Variants in CAMTA1 observed in about 807,000 individuals in gnomAD.
CAMTA1 encodes the protein calmodulin binding transcription activator 1, also known as calmodulin-binding transcription activator 1.
CAMTA1 carries 27 observed loss-of-function variants against 170.9 expected under a neutral mutation model. That is an observed-to-expected ratio of 0.16 (90% confidence interval 0.12 to 0.22). CAMTA1 has a LOEUF of 0.22. CAMTA1 is among the 10% of genes least tolerant of loss of function. The probability of loss-of-function intolerance (pLI) is 1.00; values close to 1 mark genes in which losing one functional copy is unlikely to be tolerated. For missense variants in CAMTA1, 1,619 were observed against 2,217.2 expected (o/e 0.73, Z 5.42); for synonymous variants, 833 against 891.5 (o/e 0.93, Z 1.17).
At chr1:7,238,934 G>A (rs981604369) in intron 4 of CAMTA1, among the ~76,000 whole-genome samples, 2 of 152,190 alleles carry the variant, frequency 1.3e-5, no homozygotes, top group Non-Finnish European at 2.9e-5. Context: ...GAGCATTCAC[G>A]TGGGGTGCCG....
At chr1:7,008,666 A>G (rs909169089) in intron 3 of CAMTA1, 6 of 152,190 alleles carry the variant, frequency 3.9e-5, no homozygotes, top group African/African-American at 9.7e-5. Flanking sequence ...TTTAAATTTC[A>G]TAAGGCGTTG....
At chr1:7,112,180 C>G (rs961998145) in intron 4 of CAMTA1, among the ~76,000 whole-genome samples, 5 of 152,188 alleles carry the variant, frequency 3.3e-5, no homozygotes, top group African/African-American at 1.2e-4. Flanking sequence ...CTGCGTAGAG[C>G]TGCTGGCTGC....
At chr1:7,172,680 C>T (rs917105382) in intron 4 of CAMTA1, among the ~76,000 whole-genome samples, 8 of 152,196 alleles carry the variant, frequency 5.3e-5, no homozygotes, top group Non-Finnish European at 8.8e-5. Context: ...GCAGCTGAGC[C>T]TCTCAGCCAG....
intron 6 of CAMTA1, among the ~76,000 whole-genome samples, chr1:7,493,034 C>T: frequency 6.7e-6 from 1 of 149,636 alleles, no homozygotes. Context: ...TGCACGCACA[C>T]ACAAACACAA....
chr1:7,450,618 G>A (rs897788468), intron 5 of CAMTA1, among the ~76,000 whole-genome samples: 3 of 152,202 alleles, frequency 2.0e-5, no homozygotes, highest in Non-Finnish European at 4.4e-5. Flanking sequence ...ATACCGCCCC[G>A]TGCAGGTTAG....
chr1:6,978,019 C>A (rs749246229), intron 3 of CAMTA1, among the ~76,000 whole-genome samples: 3 of 151,872 alleles, frequency 2.0e-5, no homozygotes, highest in African/African-American at 4.8e-5. Context: ...CAGTTAAACA[C>A]GTGGAGGTAG....
intron 11 of CAMTA1, among the ~76,000 whole-genome samples, chr1:7,692,237 G>A (rs979304217): frequency 6.6e-6 from 1 of 152,176 alleles, no homozygotes; most frequent in Admixed American, 6.5e-5. Flanking sequence ...CCTCTTTATT[G>A]AACCTGCCCT....
intron 5 of CAMTA1, among the ~76,000 whole-genome samples, chr1:7,461,423 C>A (rs1436553663): frequency 1.3e-5 from 2 of 152,230 alleles, no homozygotes; most frequent in Middle Eastern, 3.2e-3. Flanking sequence ...AATGTGGTAG[C>A]CCTCGGCCAC....
At chr1:7,645,469 C>T (rs541227798) in intron 7 of CAMTA1, among the ~76,000 whole-genome samples, 10 of 152,372 alleles carry the variant, frequency 6.6e-5, no homozygotes, top group African/African-American at 1.9e-4. Flanking sequence ...GAGTGAGTGG[C>T]GAGGGCATGA....
intron 3 of CAMTA1, among the ~76,000 whole-genome samples, chr1:6,935,357 C>T (rs570269681): frequency 3.3e-5 from 5 of 151,844 alleles, no homozygotes; most frequent in Non-Finnish European, 7.4e-5. Context: ...ACAAAAGAGG[C>T]GAGTCCAGAT....
In CAMTA1 at chr1:7,732,441, G is replaced by T. The variant is rs1558244007; in HGVS notation, c.2915-7G>T. 6.2e-7 allele frequency: 1 copy of T among 1,613,092 alleles called. No individual in the cohort carries two copies. ...ACAACCTCACTCTTCCTCCTGCTCT[G>T]CCCTAGATAACCAGTTCAGGATGTC... On this transcript the variant is annotated splice_region_variant and splice_polypyrimidine_tract_variant and intron_variant, in intron 11 of 22. Coordinates refer to ENST00000303635, the MANE Select transcript of CAMTA1 (RefSeq NM_015215.4). The surrounding 1 kb of genome is among the most constrained non-coding windows in gnomAD (Gnocchi z 4.1).
intron 1 of CAMTA1, among the ~76,000 whole-genome samples, chr1:6,808,769 A>G (rs1644824820): frequency 6.6e-6 from 1 of 152,210 alleles, no homozygotes; most frequent in African/African-American, 2.4e-5. Flanking sequence ...GAAGGACTAG[A>G]GTCGGGAGAA....
intron 5 of CAMTA1, among the ~76,000 whole-genome samples, chr1:7,315,529 G>A (rs1327045316): frequency 6.6e-6 from 1 of 152,172 alleles, no homozygotes; most frequent in East Asian, 1.9e-4. Context: ...GGTCAACATG[G>A]ACAACTCTTT....
chr1:7,758,808 G>A (rs1294630333), intron 22 of CAMTA1, among the ~76,000 whole-genome samples: 8 of 151,834 alleles, frequency 5.3e-5, no homozygotes, highest in Non-Finnish European at 7.4e-5. Flanking sequence ...GGTGGCGGGC[G>A]CCTGTAGTCC....
intron 6 of CAMTA1, among the ~76,000 whole-genome samples, chr1:7,586,607 C>G (rs150117232): frequency 1.1e-4 from 16 of 152,286 alleles, no homozygotes; most frequent in Admixed American, 2.0e-4. Context: ...CCCAGCACTC[C>G]TCTGCCCTCA....
chr1:6,871,935 C>T (rs12728338), intron 3 of CAMTA1: 74 of 1,338,094 alleles, frequency 5.5e-5, no homozygotes, highest in Admixed American at 7.4e-5. Context: ...CTGATTTCCT[C>T]AAATAGAGAT....
chr1:7,082,439 A>AG (rs752022487), intron 3 of CAMTA1, among the ~76,000 whole-genome samples: 109 of 143,140 alleles, frequency 7.6e-4, no homozygotes, highest in Non-Finnish European at 1.3e-3. Context: ...CTGCATCTCG[A>AG]AATAGATAGA....
intron 6 of CAMTA1, among the ~76,000 whole-genome samples, chr1:7,469,384 C>T (rs528605983): frequency 6.6e-6 from 1 of 152,346 alleles, no homozygotes; most frequent in African/African-American, 2.4e-5. Flanking sequence ...GGTGGGGTTC[C>T]ACCCGAGGCC....
intron 5 of CAMTA1, among the ~76,000 whole-genome samples, chr1:7,335,955 T>G (rs1038289257): frequency 2.6e-5 from 4 of 152,108 alleles, no homozygotes; most frequent in African/African-American, 9.7e-5. Context: ...CTAATTAAAA[T>G]GTAACCACCG....
Sources: allele counts gnomAD v4.1 joint callset (sites outside exome capture counted in the v4.1 genomes callset), GRCh38; gene constraint gnomAD v4.1.1; non-coding constraint Gnocchi (gnomAD v3.1); transcripts MANE v1.5; gene names NCBI Gene and HGNC (gene_info 2026-07-23, HGNC 2026-07-21).